Variants in MTREX observed in about 807,000 individuals in gnomAD.
MTREX encodes Mtr4 exosome RNA helicase, also known as exosome RNA helicase MTR4.
MTREX carries 76 observed loss-of-function variants against 135.4 expected under a neutral mutation model. The ratio of observed to expected loss-of-function variants is 0.56; its 90% CI spans 0.47 to 0.68. MTREX has a LOEUF of 0.68. MTREX is among the 30% of genes least tolerant of loss of function. The pLI is 0.00. For missense variants in MTREX, 920 were observed against 1,262.1 expected (o/e 0.73, Z 4.11); for synonymous variants, 404 against 401.6 (o/e 1.01, Z -0.07).
At chr5:55,375,679 TTAAAG>T (rs1403698433) in intron 16 of MTREX, among the ~76,000 whole-genome samples, 1 of 152,134 alleles carries the variant, frequency 6.6e-6, no homozygotes, top group Non-Finnish European at 1.5e-5. Context: ...GATTAAGAGA[TTAAAG>T]TAAAGACAGG....
At chr5:55,321,637 C>G (rs935275416) in intron 1 of MTREX, among the ~76,000 whole-genome samples, 2 of 122,514 alleles carry the variant, frequency 1.6e-5, no homozygotes, top group Non-Finnish European at 3.2e-5. Flanking sequence ...CTGAGACAGT[C>G]TTGCTTTGTC....
Position 55,397,937 on chromosome 5 carries a change from G to GA in MTREX, c.2292+417dup, listed in dbSNP as rs557391867. On this transcript the variant is annotated intron_variant, in intron 20 of 26. Coordinates refer to ENST00000230640, the MANE Select transcript of MTREX (RefSeq NM_015360.5). ...TTGTAGTAAATTTAATTTCCTAGTA[G>GA]AAAAAAGGTGCAGTGGTTCATGCCT... Among the ~76,000 whole-genome samples the GA allele has an allele frequency of 4.3e-3, 649 of 152,150 alleles. 5 individuals carry two copies. Among genetic ancestry groups the GA allele is most frequent in the African/African-American group, 0.015 (620 of 41,518 alleles).
At chr5:55,423,909 G>C (rs904535772) in intron 26 of MTREX, 3 of 152,190 alleles carry the variant, frequency 2.0e-5, no homozygotes, top group Non-Finnish European at 4.4e-5. Context: ...TTCCACAGTT[G>C]ATAAATGTAG....
At chr5:55,391,905 G>A (rs556244652) in intron 19 of MTREX, among the ~76,000 whole-genome samples, 12 of 152,282 alleles carry the variant, frequency 7.9e-5, no homozygotes, top group Admixed American at 6.5e-4. Flanking sequence ...CCATCTGGAA[G>A]GTCAGGACTT....
chr5:55,348,103 A>G (rs1261051065), intron 11 of MTREX, among the ~76,000 whole-genome samples: 1 of 152,144 alleles, frequency 6.6e-6, no homozygotes, highest in African/African-American at 2.4e-5. Context: ...TAATTTATGA[A>G]AGGCAGAAAT....
intron 21 of MTREX, among the ~76,000 whole-genome samples, chr5:55,404,255 TTG>T (rs1415412650): frequency 6.6e-6 from 1 of 152,190 alleles, no homozygotes; most frequent in East Asian, 1.9e-4. Context: ...CAGGATACCA[TTG>T]TTTTTTGTTC....
chr5:55,322,431 C>T lies in MTREX; in HGVS notation c.239C>T (p.Pro80Leu). Residue 80 changes from proline (P) to leucine (L), a missense_variant, in exon 2 of 27, where the codon CCC becomes CTC. By Grantham distance (98) the Pro-to-Leu change is moderately conservative (BLOSUM62 -3). This residue lies in a region of MTREX where 136 missense variants were observed against 126.7 expected (regional missense o/e 1.07). Transcript: ENST00000230640. The stretch of plus-strand genomic sequence containing the variant: ...GATGAACCCATTTTTGGAAAGAAGC[C>T]CAGGATAGAAGAGTCAATAACTGAA... ...GTDEPIFGKK[P>L]RIEESITEDL... 7 of 1,608,152 alleles carry T rather than the reference C, an allele frequency of 4.4e-6. No individual in the cohort carries two copies. Among genetic ancestry groups the T allele is most frequent in the Non-Finnish European group, 5.9e-6 (7 of 1,177,358 alleles).
chr5:55,404,117 C>G (rs1453819338), intron 21 of MTREX, among the ~76,000 whole-genome samples: 2 of 152,164 alleles, frequency 1.3e-5, no homozygotes, highest in African/African-American at 4.8e-5. Context: ...GAATAAATAT[C>G]AGTTGCTGAT....
chr5:55,400,389 A>C lies in MTREX; in HGVS notation c.2449A>C (p.Thr817Pro), dbSNP rs755900037. The part of the protein sequence containing the change: ...HPLHNDPNLE[T>P]VYTLCEKKAQ... ...ACTTCACAATGATCCAAATTTGGAAACTGTGTATACGCTTTGTGAAAAAAA... is the reference window on the plus strand; with the variant it reads ...ACTTCACAATGATCCAAATTTGGAACCTGTGTATACGCTTTGTGAAAAAAA... Residue 817 changes from threonine (T) to proline (P), a missense_variant, in exon 21 of 27, where the codon ACT (threonine) becomes CCT (proline). By Grantham distance (38) the Thr-to-Pro change is conservative. Around this residue, in one of 6 missense-constraint regions of MTREX, gnomAD observed 467 missense variants for 589.7 expected, o/e 0.79. Transcript: ENST00000230640. 1 of 1,611,398 alleles carries C rather than the reference A, an allele frequency of 6.2e-7. No individual in the cohort carries two copies. The highest frequency in any genetic ancestry group is 1.1e-5 in the South Asian group (1 of 90,634).
intron 14 of MTREX, among the ~76,000 whole-genome samples, chr5:55,355,561 GAGAT>G (rs1316303703): frequency 6.6e-6 from 1 of 152,218 alleles, no homozygotes; most frequent in East Asian, 1.9e-4. Context: ...CTCATAGTCA[GAGAT>G]AGGCTGGACC....
intron 18 of MTREX, among the ~76,000 whole-genome samples, chr5:55,387,513 A>G (rs1200528171): frequency 6.6e-6 from 1 of 152,102 alleles, no homozygotes; most frequent in Non-Finnish European, 1.5e-5. Flanking sequence ...GTGAGATCTT[A>G]GTAGTTGTTA....
intron 25 of MTREX, among the ~76,000 whole-genome samples, chr5:55,419,995 A>G (rs1050876999): frequency 1.3e-5 from 2 of 152,120 alleles, no homozygotes; most frequent in African/African-American, 2.4e-5. Flanking sequence ...TAGAGTAACA[A>G]TTTATTAGTA....
At chr5:55,411,711 A>C (rs866579018) in intron 23 of MTREX, among the ~76,000 whole-genome samples, 3 of 152,184 alleles carry the variant, frequency 2.0e-5, no homozygotes, top group Non-Finnish European at 4.4e-5. Flanking sequence ...ATTGCCTACC[A>C]TGCATCTATG....
Position 55,351,006 on chromosome 5 carries a change from CTCTTT to C in MTREX, c.1412_1416del (p.Phe471Ter). 1 of 1,605,026 alleles carries C rather than the reference CTCTTT, an allele frequency of 6.2e-7. No homozygotes were observed. Among genetic ancestry groups the C allele is most frequent in the Non-Finnish European group, 8.5e-7 (1 of 1,177,786 alleles). On this transcript the variant is annotated frameshift_variant, in exon 13 of 27. Transcript: ENST00000230640. LOFTEE classifies it high-confidence loss of function. ...TATTTTGAAAGAAACTATAGAAATT[CTCTTT>C]TCTGAAGGATTGATAAAGGTATGGT...
At chr5:55,375,389 C>T (rs1750279833) in intron 16 of MTREX, among the ~76,000 whole-genome samples, 1 of 152,146 alleles carries the variant, frequency 6.6e-6, no homozygotes, top group Non-Finnish European at 1.5e-5. Context: ...CCTAGGTGTG[C>T]ATTCTCTTTC....
chr5:55,415,895 C>T (rs2111622638), intron 24 of MTREX, 75 bp from the exon 25 acceptor site: 5 of 1,080,024 alleles, frequency 4.6e-6, no homozygotes, highest in Non-Finnish European at 6.5e-6. Context: ...TCCTGGAATA[C>T]TGGCTTGGAA....
chr5:55,314,865 T>C (rs1749172005), intron 1 of MTREX, among the ~76,000 whole-genome samples: 1 of 152,164 alleles, frequency 6.6e-6, no homozygotes, highest in South Asian at 2.1e-4. Context: ...ACAACCTAAA[T>C]TCTTCACATG....
rs555730751 is a variant in MTREX, at chr5:55,360,979, C to T, written c.1659+2281C>T. ...TGTTGTTGTTAAATGGCAAATCCTG[C>T]TTTTGAACTCAGGCAGTCTGATTTC... is the stretch of plus-strand genomic sequence containing the variant. On this transcript the variant is annotated intron_variant, in intron 15 of 26. Coordinates refer to ENST00000230640, the MANE Select transcript of MTREX (RefSeq NM_015360.5). Among the ~76,000 whole-genome samples, 24 of 152,286 alleles carry T rather than the reference C, an allele frequency of 1.6e-4. 1 individual carries two copies. The highest frequency in any genetic ancestry group is 5.8e-4 in the African/African-American group (24 of 41,570).
intron 5 of MTREX, among the ~76,000 whole-genome samples, chr5:55,335,436 G>A (rs1749539428): frequency 6.6e-6 from 1 of 151,966 alleles, no homozygotes; most frequent in Non-Finnish European, 1.5e-5. Context: ...CAATTTCATA[G>A]TATTAGTTCT....
Sources: allele counts gnomAD v4.1 joint callset (sites outside exome capture counted in the v4.1 genomes callset), GRCh38; gene constraint gnomAD v4.1.1; regional missense constraint gnomAD v4.1.1; transcripts MANE v1.5; gene names NCBI Gene and HGNC (gene_info 2026-07-23, HGNC 2026-07-21).